Variants in RBM47 observed in about 807,000 individuals in gnomAD.
RBM47 encodes RNA-binding protein 47.
RBM47 carries 21 observed loss-of-function variants against 47.1 expected under a neutral mutation model. The observed-to-expected ratio is 0.45, with a 90% CI of 0.32 to 0.64. The LOEUF (loss-of-function observed/expected upper bound fraction) is 0.64, where lower values mean the gene tolerates loss of function less well. RBM47 is among the 30% of genes least tolerant of loss of function. The probability of loss-of-function intolerance (pLI) is 0.05; values close to 1 mark genes in which losing one functional copy is unlikely to be tolerated. For missense variants in RBM47, 708 were observed against 870.9 expected, an observed-to-expected ratio of 0.81 and a Z score of 2.35; for synonymous variants, 375 against 361.7, an observed-to-expected ratio of 1.04 and a Z score of -0.42.
chr4:40,550,381 T>C (rs1295490337), intron 1 of RBM47, among the ~76,000 whole-genome samples: 1 of 152,138 alleles, frequency 6.6e-6, no homozygotes. Context: ...GCTGGATACA[T>C]GTGTTAAAAG....
intron 1 of RBM47, among the ~76,000 whole-genome samples, chr4:40,581,729 T>TGTGA (rs532952038): frequency 3.9e-4 from 59 of 151,492 alleles, no homozygotes; most frequent in South Asian, 6.3e-4. Context: ...TCAGGGTGTG[T>TGTGA]GTGAAGAGAG....
At chr4:40,488,574 A>G (rs1449803456) in intron 2 of RBM47, among the ~76,000 whole-genome samples, 1 of 152,170 alleles carries the variant, frequency 6.6e-6, no homozygotes, top group Non-Finnish European at 1.5e-5. Context: ...GCTCATTTGG[A>G]AATAACATCC....
intron 2 of RBM47, among the ~76,000 whole-genome samples, chr4:40,521,360 C>T (rs993448974): frequency 6.6e-6 from 1 of 152,056 alleles, no homozygotes; most frequent in African/African-American, 2.4e-5. Context: ...GCCATAACAT[C>T]CAGCTAATTT....
chr4:40,564,805 C>T lies in RBM47; in HGVS notation c.-239-20299G>A, dbSNP rs756988703. On this transcript the variant is annotated intron_variant, in intron 1 of 6. Coordinates refer to ENST00000295971, the MANE Select transcript of RBM47 (RefSeq NM_001098634.2). ...TGATATTCAAGACCTCAGGCCCTAC[C>T]GAAAATTTATTTTTTTGCTCAAGTT... Among the ~76,000 whole-genome samples, 152 of 152,174 alleles carry T rather than the reference C, an allele frequency of 1.0e-3. 2 individuals carry two copies. The highest frequency in any genetic ancestry group is 2.8e-4 in the Non-Finnish European group (19 of 68,024).
At chr4:40,437,090 A>AATATATAT (rs1247522305) in intron 4 of RBM47, among the ~76,000 whole-genome samples, 10 of 49,798 alleles carry the variant, frequency 2.0e-4, no homozygotes, top group Admixed American at 9.3e-4. Flanking sequence ...AAAAAAAAAA[A>AATATATAT]ATATATATAT....
intron 1 of RBM47, among the ~76,000 whole-genome samples, chr4:40,569,778 TC>T (rs1731533885): frequency 6.7e-6 from 1 of 150,216 alleles, no homozygotes; most frequent in African/African-American, 2.5e-5. Context: ...TGCCGCAATC[TC>T]GGCTCACTGC....
At chr4:40,537,387 T>G (rs1386276246) in intron 2 of RBM47, among the ~76,000 whole-genome samples, 1 of 151,830 alleles carries the variant, frequency 6.6e-6, no homozygotes, top group African/African-American at 2.4e-5. Context: ...GAGATCCTCC[T>G]GAGTAGCTGG....
At chr4:40,474,845 T>C (rs1399397902) in intron 2 of RBM47, among the ~76,000 whole-genome samples, 1 of 152,176 alleles carries the variant, frequency 6.6e-6, no homozygotes, top group Non-Finnish European at 1.5e-5. Context: ...ATTTCTCACA[T>C]ATACATTTTG....
chr4:40,616,810 T>C (rs1411345844), intron 1 of RBM47, among the ~76,000 whole-genome samples: 1 of 152,022 alleles, frequency 6.6e-6, no homozygotes, highest in Non-Finnish European at 1.5e-5. Context: ...CAGCATGAAT[T>C]TGCATGTCTC....
At chr4:40,433,314 A>G (rs1171543586) in intron 5 of RBM47, among the ~76,000 whole-genome samples, 1 of 151,948 alleles carries the variant, frequency 6.6e-6, no homozygotes, top group African/African-American at 2.4e-5. Context: ...CATGCTCACT[A>G]TTGTTCTCTC....
chr4:40,629,099 T>A (rs916108703), intron 1 of RBM47, among the ~76,000 whole-genome samples: 39 of 152,012 alleles, frequency 2.6e-4, no homozygotes, highest in African/African-American at 9.2e-4. Context: ...AATCATGTAT[T>A]TTCAAGAGTG....
chr4:40,438,039 G>A lies in RBM47; in HGVS notation c.855C>T (p.Phe285=), dbSNP rs140041430. ...ERVKKIRDYA[F]VHFTSREDAV... Reference sequence around the variant, plus strand: ...CATCCTCGCGGCTGGTGAAGTGCACGAAGGCGTAGTCGCGGATCTTCTTGA... The same window carrying A: ...CATCCTCGCGGCTGGTGAAGTGCACAAAGGCGTAGTCGCGGATCTTCTTGA... Residue 285 remains phenylalanine (F), a synonymous_variant, in exon 4 of 7, where the codon TTC becomes TTT. Coordinates refer to ENST00000295971, the MANE Select transcript of RBM47 (RefSeq NM_001098634.2). The A allele has an allele frequency of 2.0e-5, 32 of 1,613,592 alleles. No individual in the cohort carries two copies. In the African/African-American group the frequency reaches 2.7e-4, roughly 13 times the overall value.
intron 1 of RBM47, among the ~76,000 whole-genome samples, chr4:40,544,858 C>G (rs1015388376): frequency 6.6e-6 from 1 of 151,956 alleles, no homozygotes; most frequent in Admixed American, 6.6e-5. Context: ...TCACTTTAAG[C>G]CCAGGAATTT....
At chr4:40,603,526 T>C (rs540533470) in intron 1 of RBM47, among the ~76,000 whole-genome samples, 1 of 152,232 alleles carries the variant, frequency 6.6e-6, no homozygotes, top group South Asian at 2.1e-4. Flanking sequence ...GACTCCTCTT[T>C]GGCACTAGGC....
At chr4:40,580,490 G>T (rs1339122537) in intron 1 of RBM47, among the ~76,000 whole-genome samples, 1 of 152,064 alleles carries the variant, frequency 6.6e-6, no homozygotes, top group Non-Finnish European at 1.5e-5. Flanking sequence ...CAGATAATTA[G>T]GAGGGATGCT....
In RBM47 at chr4:40,584,468, T is replaced by C. The variant is rs117266732; in HGVS notation, c.-239-39962A>G. Among the ~76,000 whole-genome samples the C allele has an allele frequency of 3.3e-5, 5 of 152,314 alleles. No homozygotes were observed. The East Asian group carries it at 9.6e-4, about 29-fold the overall frequency. ...AAAGCGTAAAAAACAGGTGACAATT[T>C]TAATAATATATTTCATTTAACCCAA... On this transcript the variant is annotated intron_variant, in intron 1 of 6. Coordinates refer to ENST00000295971, the MANE Select transcript of RBM47 (RefSeq NM_001098634.2).
At chr4:40,447,145 AC>A (rs1384519071) in intron 3 of RBM47, among the ~76,000 whole-genome samples, 1 of 152,128 alleles carries the variant, frequency 6.6e-6, no homozygotes, top group Non-Finnish European at 1.5e-5. Flanking sequence ...CTGAGGTAGG[AC>A]CCTCCCAGCA....
chr4:40,426,006 T>C lies in RBM47; in HGVS notation c.1680A>G (p.Ala560=), dbSNP rs768267952. 3 of 1,614,022 alleles carry C rather than the reference T, an allele frequency of 1.9e-6. No individual in the cohort carries two copies. In the African/African-American group the frequency reaches 4.0e-5, roughly 22 times the overall value. Residue 560 remains alanine (A), a synonymous_variant, in exon 7 of 7, where the codon GCA becomes GCG. Transcript: ENST00000295971. ...ATIATLQKNA[A]AAAAMYGGYA... is the part of the protein sequence containing the mutation. ...ATCCTCCATACATGGCGGCCGCGGC[T>C]GCCGCGTTCTTCTGTAGTGTGGCGA...
chr4:40,423,717 CTTTCTTTT>C lies in RBM47; in HGVS notation c.*2179_*2186del, dbSNP rs1174811641. Reference sequence around the variant, plus strand: ...CTTTCTTTCTTTCTTTCTTTCTTTTCTTTCTTTTCTTTCTTCCTCTTCTTCTTCTTTTT... The same window carrying C: ...CTTTCTTTCTTTCTTTCTTTCTTTTCCTTTCTTCCTCTTCTTCTTCTTTTT... On this transcript the variant is annotated 3_prime_UTR_variant, in exon 7 of 7. Coordinates refer to ENST00000295971, the MANE Select transcript of RBM47 (RefSeq NM_001098634.2). The C allele has an allele frequency of 2.2e-4, 24 of 107,572 alleles. No homozygotes were observed. Among genetic ancestry groups the C allele is most frequent in the African/African-American group, 8.5e-4 (22 of 25,870 alleles). 6.7% of individuals were successfully genotyped at this position (107,572 alleles called of 1,614,324 possible). A position where few individuals can be genotyped will look rare whatever the true frequency, so the allele number is the denominator to read the frequency against.
Sources: gnomAD v4.1 joint callset for allele counts (sites outside exome capture counted in the v4.1 genomes callset) on GRCh38, gnomAD v4.1.1 for gene constraint, MANE v1.5 for transcripts, NCBI Gene and HGNC (gene_info 2026-07-23, HGNC 2026-07-21) for gene names.